Variants in TENM3 observed in about 807,000 individuals in gnomAD.
The protein encoded by TENM3 is teneurin transmembrane protein 3, also known as teneurin-3.
Under a neutral mutation model 255.1 loss-of-function variants are expected in TENM3, and 63 were observed. That is an observed-to-expected ratio of 0.25 (90% CI 0.20 to 0.30). TENM3 has a LOEUF of 0.30. Among genes scored for constraint, TENM3 ranks in the 10% least tolerant of loss-of-function variants. The pLI, the probability that TENM3 is intolerant of heterozygous loss-of-function variation, is 1.00. For synonymous variants in TENM3, 1,306 were observed against 1,322.3 expected, an observed-to-expected ratio of 0.99 and a Z score of 0.27; for missense variants, 2,929 against 3,461.1, an observed-to-expected ratio of 0.85 and a Z score of 3.86.
intron 3 of TENM3, among the ~76,000 whole-genome samples, chr4:182,433,349 C>G (rs556837003): frequency 1.3e-5 from 2 of 152,218 alleles, no homozygotes; most frequent in East Asian, 3.9e-4. Context: ...ACAATAGGTG[C>G]TTGTGGGACA....
rs182743856 is a variant in TENM3, at chr4:182,545,693, G to A, written c.512-55231G>A. ...CAGAAGACTCTGCCCCTGTCAACTG[G>A]TATGGCTTCTCTTTCTTTGTCTTTA... On this transcript the variant is annotated intron_variant, in intron 3 of 27. Coordinates refer to ENST00000511685, the MANE Select transcript of TENM3 (RefSeq NM_001080477.4). Among the ~76,000 whole-genome samples the A allele has an allele frequency of 2.6e-3, 391 of 152,134 alleles. 3 individuals carry two copies. The highest frequency in any genetic ancestry group is 9.1e-3 in the African/African-American group (377 of 41,502).
intron 3 of TENM3, among the ~76,000 whole-genome samples, chr4:182,361,259 A>C (rs1417410558): frequency 6.6e-6 from 1 of 151,988 alleles, no homozygotes; most frequent in Non-Finnish European, 1.5e-5. Flanking sequence ...CTGAATCTGA[A>C]TGTTCCTGCC....
chr4:181,497,299 A>G, the TENM3 span, among the ~76,000 whole-genome samples: 1 of 152,196 alleles, frequency 6.6e-6, no homozygotes, highest in Non-Finnish European at 1.5e-5. Context: ...GCGAAGTTAT[A>G]ATGAAACTAC....
chr4:182,530,417 A>G (rs1739653055), intron 3 of TENM3, among the ~76,000 whole-genome samples: 1 of 152,212 alleles, frequency 6.6e-6, no homozygotes. Context: ...TCAGAAGGAT[A>G]CGTGAAACAG....
rs1764545866 is a variant in TENM3 at position 182,774,822 on chromosome 4, T to C, written c.5069-96T>C. On this transcript the variant is annotated intron_variant, in intron 23 of 27. Transcript: ENST00000511685. ...ATCATCAGGTACTCCTTATTCCTAG[T>C]CAACTTTTAGAAATTTAGAACCTAT... 3 of 815,344 alleles carry C rather than the reference T, an allele frequency of 3.7e-6. No individual in the cohort carries two copies. In the East Asian group the frequency reaches 8.0e-5, roughly 22 times the overall value. 50.5% of individuals were successfully genotyped at this position (815,344 alleles called of 1,614,324 possible). A position where few individuals can be genotyped will look rare whatever the true frequency, so the allele number is the denominator to read the frequency against.
At chr4:182,259,760 C>T (rs1039096360) in intron 1 of TENM3, among the ~76,000 whole-genome samples, 1 of 99,466 alleles carries the variant, frequency 1.0e-5, no homozygotes, top group Non-Finnish European at 2.0e-5. Flanking sequence ...TTTCTTTATG[C>T]TGGAAATATT....
At chr4:181,781,261 A>C in the TENM3 span, among the ~76,000 whole-genome samples, 1 of 152,144 alleles carries the variant, frequency 6.6e-6, no homozygotes, top group African/African-American at 2.4e-5. Flanking sequence ...TGAGCATGGA[A>C]TGTTCTTCCA....
chr4:182,100,328 A>T, the TENM3 span, among the ~76,000 whole-genome samples: 1 of 151,632 alleles, frequency 6.6e-6, no homozygotes, highest in Admixed American at 6.6e-5. Flanking sequence ...TTGGCCAAGC[A>T]TGGTGGCTGA....
At chr4:182,580,610 G>T (rs1254655837) in intron 3 of TENM3, among the ~76,000 whole-genome samples, 1 of 151,826 alleles carries the variant, frequency 6.6e-6, no homozygotes, top group East Asian at 1.9e-4. Flanking sequence ...TTTCTGACTT[G>T]CCTTGAAATC....
the TENM3 span, among the ~76,000 whole-genome samples, chr4:181,564,829 G>T: frequency 6.6e-6 from 1 of 152,066 alleles, no homozygotes; most frequent in Non-Finnish European, 1.5e-5. Flanking sequence ...TGAGTCACTG[G>T]CATTAGGCAG....
the TENM3 span, among the ~76,000 whole-genome samples, chr4:181,592,382 G>A: frequency 6.7e-6 from 1 of 148,744 alleles, no homozygotes; most frequent in Non-Finnish European, 1.5e-5. Context: ...TAAAGAGGCT[G>A]GAATGTACCC....
intron 24 of TENM3, among the ~76,000 whole-genome samples, chr4:182,779,975 G>T (rs1267652743): frequency 1.3e-5 from 2 of 150,580 alleles, no homozygotes; most frequent in East Asian, 2.0e-4. Flanking sequence ...AGATGAGTAG[G>T]TTGCGAAAAT....
chr4:182,770,592 T>G (rs1040287252), intron 22 of TENM3, among the ~76,000 whole-genome samples: 3 of 152,160 alleles, frequency 2.0e-5, no homozygotes, highest in Admixed American at 2.0e-4. Flanking sequence ...GCATATCTAG[T>G]TCTATTCCGG....
At chr4:182,038,793 G>A in the TENM3 span, among the ~76,000 whole-genome samples, 1 of 152,116 alleles carries the variant, frequency 6.6e-6, no homozygotes, top group Non-Finnish European at 1.5e-5. Context: ...GAATGCAGTG[G>A]CGCAATCTTG....
chr4:181,880,680 A>G, the TENM3 span, among the ~76,000 whole-genome samples: 4 of 152,206 alleles, frequency 2.6e-5, no homozygotes, highest in African/African-American at 7.2e-5. Context: ...GCTGCTAAAA[A>G]AAATTATTTG....
intron 3 of TENM3, among the ~76,000 whole-genome samples, chr4:182,373,711 G>T (rs928840183): frequency 6.6e-6 from 1 of 152,088 alleles, no homozygotes; most frequent in African/African-American, 2.4e-5. Flanking sequence ...ACAAATATCC[G>T]AACTATATCA....
chr4:181,897,461 A>G, the TENM3 span, among the ~76,000 whole-genome samples: 1,066 of 152,332 alleles, frequency 7.0e-3, 16 homozygotes, highest in African/African-American at 0.024. Context: ...TCTCTTCTCA[A>G]CTAATTTCAT....
At chr4:182,493,695 T>C (rs181871286) in intron 3 of TENM3, among the ~76,000 whole-genome samples, 103 of 152,268 alleles carry the variant, frequency 6.8e-4, no homozygotes, top group African/African-American at 1.9e-3. Context: ...AATACAGTTA[T>C]TGATTTCTGT....
rs144689649 is a variant in TENM3, at chr4:182,569,565, A to G, written c.512-31359A>G. Among the ~76,000 whole-genome samples, 1,437 of 152,182 alleles carry G rather than the reference A, an allele frequency of 9.4e-3. 11 individuals carry two copies. Among genetic ancestry groups the G allele is most frequent in the Middle Eastern group, 0.037 (11 of 294 alleles). ...CAAGACTGTGTCTCAAAAAAAGAAA[A>G]AAAAAAAAAGAAAGAAAGGAAAGTA... is the stretch of plus-strand genomic sequence containing the variant. On this transcript the variant is annotated intron_variant, in intron 3 of 27. Transcript: ENST00000511685.
Sources: allele counts gnomAD v4.1 joint callset (sites outside exome capture counted in the v4.1 genomes callset), GRCh38; gene constraint gnomAD v4.1.1; transcripts MANE v1.5; gene names NCBI Gene and HGNC (gene_info 2026-07-23, HGNC 2026-07-21).